PPM1E: variants seen among roughly 807,000 people sequenced by gnomAD.
PPM1E encodes the protein protein phosphatase, Mg2+/Mn2+ dependent 1E.
In PPM1E, 20 loss-of-function variants were observed where a neutral mutation model predicts 65.9. That is an observed-to-expected ratio of 0.30 (90% CI 0.21 to 0.44). PPM1E has a LOEUF of 0.44. Ranked by LOEUF, PPM1E falls within the 20% of genes least tolerant of loss-of-function variation. PPM1E has a pLI of 1.00. For synonymous variants in PPM1E, 352 were observed against 374.9 expected (o/e 0.94, Z 0.70); for missense variants, 713 against 953.1 (o/e 0.75, Z 3.32).
At chr17:58,950,666 T>C (rs1424851435) in intron 1 of PPM1E, among the ~76,000 whole-genome samples, 2 of 152,028 alleles carry the variant, frequency 1.3e-5, no homozygotes, top group South Asian at 2.1e-4. Context: ...AAGACCTGTC[T>C]TCAAGTTCAA....
At chr17:58,861,925 TAA>T (rs71143292) in intron 1 of PPM1E, among the ~76,000 whole-genome samples, 2 of 151,054 alleles carry the variant, frequency 1.3e-5, no homozygotes, top group African/African-American at 2.4e-5. Flanking sequence ...TGAGATACTT[TAA>T]AAAAAAAATA....
chr17:58,774,490 G>T (rs2049973553), intron 1 of PPM1E, among the ~76,000 whole-genome samples: 2 of 152,040 alleles, frequency 1.3e-5, no homozygotes, highest in African/African-American at 4.8e-5. Flanking sequence ...AAGCACCATG[G>T]TTTTATAATT....
chr17:58,941,343 C>A (rs986049750), intron 1 of PPM1E, among the ~76,000 whole-genome samples: 4 of 152,050 alleles, frequency 2.6e-5, no homozygotes, highest in Non-Finnish European at 5.9e-5. Flanking sequence ...ATATACTTAC[C>A]TACATATATA....
chr17:58,800,803 T>C (rs1288698933), intron 1 of PPM1E, among the ~76,000 whole-genome samples: 1 of 152,152 alleles, frequency 6.6e-6, no homozygotes, highest in Admixed American at 6.5e-5. Context: ...GTCTCTGTTC[T>C]TTTTCTTGAC....
intron 1 of PPM1E, among the ~76,000 whole-genome samples, chr17:58,816,780 ATATATATATATATATT>A (rs1225614706): frequency 6.2e-3 from 56 of 9,048 alleles, no homozygotes; most frequent in Middle Eastern, 0.062. Context: ...ATATATATAT[ATATATATATATATATT>A]TTTTTTTTTT....
chr17:58,918,680 C>T (rs2051714617), intron 1 of PPM1E, among the ~76,000 whole-genome samples: 2 of 151,782 alleles, frequency 1.3e-5, no homozygotes, highest in South Asian at 4.2e-4. Context: ...GTGGCATGCA[C>T]TTGTAGTCCC....
chr17:58,945,089 A>C (rs1007024714), intron 1 of PPM1E, among the ~76,000 whole-genome samples: 2 of 151,482 alleles, frequency 1.3e-5, no homozygotes, highest in Admixed American at 1.3e-4. Flanking sequence ...TTCCCTAATG[A>C]CTAATGATGT....
chr17:58,783,609 C>T (rs928686499), intron 1 of PPM1E, among the ~76,000 whole-genome samples: 1 of 152,136 alleles, frequency 6.6e-6, no homozygotes, highest in Non-Finnish European at 1.5e-5. Flanking sequence ...AAAAGCAGCT[C>T]TGGGACATAA....
chr17:58,980,475 A>G lies in PPM1E; in HGVS notation c.1712A>G (p.Asp571Gly). 4.3e-6 allele frequency: 7 copies of G among 1,614,148 alleles called. No individual in the cohort carries two copies. Among genetic ancestry groups the G allele is most frequent in the Non-Finnish European group, 5.9e-6 (7 of 1,180,012 alleles). The change falls in exon 7 of 7, where the codon GAT (aspartate) becomes GGT (glycine). Residue 571 changes from aspartate to glycine, a missense_variant. By Grantham distance (94) the Asp-to-Gly change is moderately conservative. Transcript: ENST00000308249. The surrounding 1 kb of genome is among the most constrained non-coding windows in gnomAD (Gnocchi z 4.7). ...INVLEDPGYLDLTQIEASKPH... is the reference protein window; with the variant it reads ...INVLEDPGYLGLTQIEASKPH... ...GTGCTGGAAGACCCAGGCTACCTAG[A>G]TCTCACACAAATAGAAGCAAGCAAA... is the stretch of plus-strand genomic sequence containing the variant.
At chr17:58,895,045 T>C (rs1355018299) in intron 1 of PPM1E, among the ~76,000 whole-genome samples, 1 of 152,240 alleles carries the variant, frequency 6.6e-6, no homozygotes, top group East Asian at 1.9e-4. Context: ...TGTCACATTT[T>C]GGTAATTCTT....
intron 1 of PPM1E, among the ~76,000 whole-genome samples, chr17:58,906,815 C>A (rs1414183471): frequency 6.6e-6 from 1 of 151,746 alleles, no homozygotes; most frequent in Non-Finnish European, 1.5e-5. Flanking sequence ...TTAATGTTAC[C>A]AATTTCCCTT....
At chr17:58,817,596 A>G (rs1212548371) in intron 1 of PPM1E, among the ~76,000 whole-genome samples, 1 of 152,218 alleles carries the variant, frequency 6.6e-6, no homozygotes, top group Non-Finnish European at 1.5e-5. Flanking sequence ...AGATCCTTGC[A>G]TTCAGCAAGT....
At chr17:58,960,982 A>C (rs999021645) in intron 2 of PPM1E, among the ~76,000 whole-genome samples, 2 of 152,152 alleles carry the variant, frequency 1.3e-5, no homozygotes. Context: ...CTATAAATTT[A>C]ATGTGATCCC....
chr17:58,919,889 G>A (rs1011126126), intron 1 of PPM1E, among the ~76,000 whole-genome samples: 3 of 152,202 alleles, frequency 2.0e-5, no homozygotes, highest in African/African-American at 4.8e-5. Flanking sequence ...GGCACTGACA[G>A]TTTTAAAGGA....
chr17:58,844,030 A>G (rs2050747556), intron 1 of PPM1E, among the ~76,000 whole-genome samples: 1 of 152,206 alleles, frequency 6.6e-6, no homozygotes, highest in African/African-American at 2.4e-5. Context: ...TATACGTCAT[A>G]TGGAGTTAAA....
chr17:58,877,678 T>C (rs886978313), intron 1 of PPM1E, among the ~76,000 whole-genome samples: 1 of 152,214 alleles, frequency 6.6e-6, no homozygotes, highest in Non-Finnish European at 1.5e-5. Flanking sequence ...ATGCTGGCAA[T>C]TTAAGGAAAG....
At chr17:58,932,235 G>A (rs142317702) in intron 1 of PPM1E, among the ~76,000 whole-genome samples, 1,754 of 152,188 alleles carry the variant, frequency 0.012, 14 homozygotes, top group Middle Eastern at 0.041. Flanking sequence ...TTGAGAGGCC[G>A]AGGTGGATGA....
At chr17:58,956,386 A>C (rs2029876158) in intron 2 of PPM1E, among the ~76,000 whole-genome samples, 1 of 151,944 alleles carries the variant, frequency 6.6e-6, no homozygotes, top group Non-Finnish European at 1.5e-5. Context: ...CAGTGAGCCG[A>C]GATCACGCCA....
intron 3 of PPM1E, among the ~76,000 whole-genome samples, chr17:58,968,210 T>C (rs1443696544): frequency 3.9e-5 from 6 of 152,208 alleles, no homozygotes; most frequent in Admixed American, 6.5e-5. Context: ...ATTTTGGTTA[T>C]TATTCTATGG....
Sources: allele counts gnomAD v4.1 joint callset (sites outside exome capture counted in the v4.1 genomes callset), GRCh38; gene constraint gnomAD v4.1.1; non-coding constraint Gnocchi (gnomAD v3.1); transcripts MANE v1.5; gene names NCBI Gene and HGNC (gene_info 2026-07-23, HGNC 2026-07-21).